The following MAK variants were observed in gnomAD, a reference collection of about 807,000 sequenced individuals.
MAK encodes the protein serine/threonine-protein kinase MAK.
MAK carries 65 observed loss-of-function variants against 82.6 expected under a neutral mutation model. The observed-to-expected ratio is 0.79, with a 90% confidence interval of 0.64 to 0.97. The LOEUF is 0.97. MAK is among the 50% of genes least tolerant of loss of function. MAK has a pLI of 0.00. For missense variants in MAK, 703 were observed against 780.2 expected (o/e 0.90, Z 1.18); for synonymous variants, 250 against 274.2 (o/e 0.91, Z 0.87).
At chr6:10,794,975 A>G (rs1434671062) in intron 9 of MAK, among the ~76,000 whole-genome samples, 4 of 151,204 alleles carry the variant, frequency 2.6e-5, no homozygotes, top group African/African-American at 7.3e-5. Flanking sequence ...CTGGGCAACA[A>G]GAGCAAAACT....
chr6:10,824,770 T>TGCC (rs1214981765), intron 2 of MAK, among the ~76,000 whole-genome samples: 2 of 152,160 alleles, frequency 1.3e-5, no homozygotes, highest in African/African-American at 4.8e-5. Context: ...CAAAGCTCCA[T>TGCC]GCCTCCACTG....
chr6:10,808,748 C>T lies in MAK; in HGVS notation c.491+62G>A. The T allele has an allele frequency of 2.0e-6, 3 of 1,495,776 alleles. No individual in the cohort carries two copies. The South Asian group carries it at 3.4e-5, about 17-fold the overall frequency. 92.7% of individuals were successfully genotyped at this position (1,495,776 alleles called of 1,614,324 possible). ...GGAACTTCCAGAAATATGTAACAAT[C>T]CATCGTAGGAAAATTTCACCATAGG... On this transcript the variant is annotated intron_variant, in intron 6 of 14. Transcript: ENST00000354489.
At chr6:10,805,322 TCA>T (rs952030679) in intron 6 of MAK, among the ~76,000 whole-genome samples, 1 of 152,210 alleles carries the variant, frequency 6.6e-6, no homozygotes, top group Non-Finnish European at 1.5e-5. Context: ...GCACAGTGGC[TCA>T]CACCTGTAAT....
intron 8 of MAK, chr6:10,797,916 G>C (rs748530534): frequency 1.7e-5 from 21 of 1,262,816 alleles, no homozygotes; most frequent in Non-Finnish European, 2.0e-5. Context: ...AGGGTTACTT[G>C]CATTCTCAGT....
At chr6:10,783,831 T>G (rs550748447) in intron 11 of MAK, among the ~76,000 whole-genome samples, 12 of 152,090 alleles carry the variant, frequency 7.9e-5, no homozygotes, top group East Asian at 3.9e-4. Context: ...CCATCCCGGC[T>G]AACACGGTGA....
At chr6:10,806,469 G>A (rs7750887) in intron 6 of MAK, among the ~76,000 whole-genome samples, 83,814 of 149,704 alleles carry the variant, frequency 0.56, 23,712 homozygotes, top group Non-Finnish European at 0.61. Context: ...GCTGGGACTA[G>A]CTGGGACTAC....
chr6:10,801,975 T>TA lies in MAK; in HGVS notation c.747dup (p.Ile250TyrfsTer6). Reference sequence around the variant, plus strand: ...ATAGCTTCATTACTGGCATTGGGAATAAGAGTTTTTAAGTTTATAGGAACA... The same window carrying TA: ...ATAGCTTCATTACTGGCATTGGGAATAAAGAGTTTTTAAGTTTATAGGAACA... On this transcript the variant is annotated frameshift_variant, in exon 8 of 15. Transcript: ENST00000354489. LOFTEE classifies it high-confidence loss of function. The TA allele has an allele frequency of 1.2e-6, 2 of 1,614,130 alleles. No homozygotes were observed. Among genetic ancestry groups the TA allele is most frequent in the Non-Finnish European group, 1.7e-6 (2 of 1,179,990 alleles).
In MAK at chr6:10,808,807, C is replaced by G. The variant is rs1484420762; in HGVS notation, c.491+3G>C. 6.2e-7 allele frequency: 1 copy of G among 1,613,878 alleles called. No individual in the cohort carries two copies. Among genetic ancestry groups the G allele is most frequent in the African/African-American group, 1.3e-5 (1 of 74,916 alleles). On this transcript the variant is annotated splice_donor_region_variant and intron_variant, in intron 6 of 14. Transcript: ENST00000354489. Reference sequence around the variant, plus strand: ...TCAGGAGGGCTGCATAACCCCTACTCACCATCTGGTAGATACATAATCAGT... The same window carrying G: ...TCAGGAGGGCTGCATAACCCCTACTGACCATCTGGTAGATACATAATCAGT...
chr6:10,777,804 A>G (rs941126549), intron 11 of MAK, among the ~76,000 whole-genome samples: 1 of 151,838 alleles, frequency 6.6e-6, no homozygotes, highest in African/African-American at 2.4e-5. Flanking sequence ...ACGCCCGGCT[A>G]ATTTTGTATT....
intron 14 of MAK, 120 bp downstream of exon 14, chr6:10,769,991 C>G: frequency 1.9e-6 from 3 of 1,570,142 alleles, no homozygotes. Context: ...AAAAGAAATG[C>G]GTTAATGAGG....
chr6:10,823,681 G>C (rs10946803), intron 2 of MAK, among the ~76,000 whole-genome samples: 24,112 of 151,834 alleles, frequency 0.16, 1,977 homozygotes, highest in Middle Eastern at 0.26. Flanking sequence ...AGGCACACAC[G>C]ACCACACCCG....
chr6:10,795,670 G>C (rs539136133), intron 9 of MAK, among the ~76,000 whole-genome samples: 1 of 152,160 alleles, frequency 6.6e-6, no homozygotes, highest in East Asian at 1.9e-4. Flanking sequence ...CTTGAACCCA[G>C]GAGTCAGAGA....
Position 10,784,521 on chromosome 6 carries a change from C to T in MAK, c.1368G>A (p.Lys456=). Residue 456 remains lysine, a synonymous_variant, in exon 11 of 15, where the codon AAG becomes AAA. Coordinates refer to ENST00000354489, the MANE Select transcript of MAK (RefSeq NM_001242957.3). ...SGSNHSTGEN[K]SLPAVTSLKS... is the part of the protein sequence containing the mutation. ...TTAGGGAAGTAACAGCAGGTAAGCT[C>T]TTGTTTTCCCCTGTCGAGTGGTTGG... is the stretch of plus-strand genomic sequence containing the variant. 6.2e-7 allele frequency: 1 copy of T among 1,614,160 alleles called. No individual in the cohort carries two copies. The highest frequency in any genetic ancestry group is 1.1e-5 in the South Asian group (1 of 91,082).
At chr6:10,825,592 A>G (rs1778303999) in intron 2 of MAK, among the ~76,000 whole-genome samples, 2 of 152,012 alleles carry the variant, frequency 1.3e-5, no homozygotes, top group Non-Finnish European at 2.9e-5. Flanking sequence ...CAATTGACTA[A>G]AAGTCATCAT....
At chr6:10,798,699 G>C (rs542755369) in intron 8 of MAK, among the ~76,000 whole-genome samples, 1 of 151,702 alleles carries the variant, frequency 6.6e-6, no homozygotes, top group Non-Finnish European at 1.5e-5. Flanking sequence ...TTTAGCATGA[G>C]ATTTCTCCCA....
chr6:10,799,105 G>T (rs1177551383), intron 8 of MAK, among the ~76,000 whole-genome samples: 14 of 152,066 alleles, frequency 9.2e-5, no homozygotes, highest in Non-Finnish European at 1.5e-5. Context: ...GATTACAGGT[G>T]TGCGGCACTG....
At chr6:10,829,436 C>T (rs1203558042) in intron 2 of MAK, among the ~76,000 whole-genome samples, 1 of 152,172 alleles carries the variant, frequency 6.6e-6, no homozygotes, top group Non-Finnish European at 1.5e-5. Flanking sequence ...AATGGTGGCT[C>T]ACACCTGTAA....
chr6:10,797,889 CAAGA>C lies in MAK; in HGVS notation c.832-1584_832-1581del. On this transcript the variant is annotated intron_variant, in intron 8 of 14. Coordinates refer to ENST00000354489, the MANE Select transcript of MAK (RefSeq NM_001242957.3). ...AAAAGCAGGGCTGTGAAACAGAGCA[CAAGA>C]AAGAGTTTGTTAAGGGTTACTTGCA... 4 of 1,279,024 alleles carry C rather than the reference CAAGA, an allele frequency of 3.1e-6. No individual in the cohort carries two copies. The South Asian group carries it at 3.8e-5, about 12-fold the overall frequency. The allele number at this position is 1,279,024 out of a possible 1,614,324, so 79.2% of individuals were successfully genotyped here.
intron 2 of MAK, among the ~76,000 whole-genome samples, chr6:10,819,458 C>T (rs1203798469): frequency 6.6e-6 from 1 of 151,908 alleles, no homozygotes; most frequent in African/African-American, 2.4e-5. Flanking sequence ...GGTGAAACCC[C>T]GTCTCTACTA....
Sources: gnomAD v4.1 joint callset for allele counts (sites outside exome capture counted in the v4.1 genomes callset) on GRCh38, gnomAD v4.1.1 for gene constraint, MANE v1.5 for transcripts, NCBI Gene and HGNC (gene_info 2026-07-23, HGNC 2026-07-21) for gene names.